The following MINDY4 variants were observed in gnomAD, a reference collection of about 807,000 sequenced individuals.
MINDY4 encodes the protein MINDY lysine 48 deubiquitinase 4.
Under a neutral mutation model 87.0 loss-of-function variants are expected in MINDY4, and 68 were observed. The observed-to-expected ratio is 0.78, with a 90% CI of 0.64 to 0.96. The LOEUF is 0.96. Among genes scored for constraint, MINDY4 ranks in the 40% least tolerant of loss-of-function variants. The probability of loss-of-function intolerance (pLI) is 0.00; values close to 1 mark genes in which losing one functional copy is unlikely to be tolerated. For synonymous variants in MINDY4, 379 were observed against 363.2 expected (o/e 1.04, Z -0.50); for missense variants, 919 against 928.2 (o/e 0.99, Z 0.13).
In MINDY4 at chr7:30,822,864, C is replaced by T. The variant is rs74602057; in HGVS notation, c.1074-5815C>T. 7.8e-3 allele frequency among the ~76,000 whole-genome samples: 1,184 copies of T among 151,676 alleles called. 14 individuals carry two copies. The highest frequency in any genetic ancestry group is 0.027 in the African/African-American group (1,131 of 41,314). ...TCACTATGTTGCCCAGACTGTTCTC[C>T]GACTTCTGGGCTCAAGCAGTCGGCC... is the stretch of plus-strand genomic sequence containing the variant. On this transcript the variant is annotated intron_variant, in intron 5 of 17. Transcript: ENST00000265299.
At chr7:30,876,827 C>T (rs7802226) in intron 15 of MINDY4, among the ~76,000 whole-genome samples, 1 of 152,124 alleles carries the variant, frequency 6.6e-6, no homozygotes, top group Non-Finnish European at 1.5e-5. Context: ...ATCCTCAGAA[C>T]CAGGACGCAG....
Position 30,888,149 on chromosome 7 carries a change from C to A in MINDY4, c.2226-3808C>A, listed in dbSNP as rs902632052. 3.3e-5 allele frequency among the ~76,000 whole-genome samples: 5 copies of A among 152,126 alleles called. No homozygotes were observed. The East Asian group carries it at 7.7e-4, about 23-fold the overall frequency. On this transcript the variant is annotated intron_variant, in intron 17 of 17. Transcript: ENST00000265299. ...AAAAGCAGTTAAGGCAGGTAACCACCCCTCTGTTGCAGTGATGCCTCTGGG... is the reference window on the plus strand; with the variant it reads ...AAAAGCAGTTAAGGCAGGTAACCACACCTCTGTTGCAGTGATGCCTCTGGG...
At chr7:30,870,860 G>A (rs778655306) in intron 13 of MINDY4, among the ~76,000 whole-genome samples, 4 of 152,224 alleles carry the variant, frequency 2.6e-5, no homozygotes, top group Non-Finnish European at 4.4e-5. Context: ...TTGGGGTGTG[G>A]TTGAAGGAAG....
In MINDY4 at chr7:30,778,506, T is replaced by C; in HGVS notation, c.138T>C (p.Asp46=). 6.2e-7 allele frequency: 1 copy of C among 1,614,214 alleles called. No homozygotes were observed. The highest frequency in any genetic ancestry group is 1.3e-5 in the African/African-American group (1 of 75,060). The change falls in exon 2 of 18, where the codon GAT becomes GAC. Residue 46 remains aspartate (D), a synonymous_variant. Transcript: ENST00000265299. ...ACCTCAGCATAAACAACAGAAATGA[T>C]CTTCGAAAGGTTTTGCATCTTGAAT... The part of the protein sequence containing the change: ...RSDLSINNRN[D]LRKVLHLEFL...
At chr7:30,857,124 T>A (rs7799035) in intron 12 of MINDY4, among the ~76,000 whole-genome samples, 95,002 of 152,128 alleles carry the variant, frequency 0.62, 31,940 homozygotes, top group African/African-American at 0.88. Flanking sequence ...CTTTGAAAAG[T>A]AAATGATGTC....
intron 5 of MINDY4, among the ~76,000 whole-genome samples, chr7:30,822,589 C>T (rs140401719): frequency 4.4e-4 from 66 of 149,326 alleles, no homozygotes; most frequent in African/African-American, 1.6e-3. Context: ...AGGATCCATT[C>T]GAGGTTTGCC....
intron 1 of MINDY4, 123 bp from the exon 2 acceptor site, chr7:30,778,309 G>A: frequency 8.1e-7 from 1 of 1,242,174 alleles, no homozygotes. Context: ...CAAAGGTGAT[G>A]TCAAGTGTAA....
rs187382054 is a variant in MINDY4 at position 30,805,183 on chromosome 7, C to G, written c.1073+13609C>G. Among the ~76,000 whole-genome samples the G allele has an allele frequency of 4.7e-3, 712 of 152,206 alleles. 5 individuals carry two copies. Among genetic ancestry groups the G allele is most frequent in the African/African-American group, 0.016 (672 of 41,502 alleles). On this transcript the variant is annotated intron_variant, in intron 5 of 17. Coordinates refer to ENST00000265299, the MANE Select transcript of MINDY4 (RefSeq NM_032222.3). ...TGCCGGGAAGGCAAGTGGGCTCTGG[C>G]CTGGATGTGCCAGAGGGGTAAGGAG...
chr7:30,855,766 T>C (rs1789550624), intron 12 of MINDY4, among the ~76,000 whole-genome samples: 1 of 152,242 alleles, frequency 6.6e-6, no homozygotes, highest in Admixed American at 6.5e-5. Flanking sequence ...GGGCCTCCTT[T>C]CAGTGATGCC....
At position 30,842,474 on chromosome 7, in the gene MINDY4, C is replaced by T. The variant is rs117158008; in HGVS notation, c.1445+1626C>T. ...AACCGCTGGCTGCCCTCAGAGGGTA[C>T]AGGGATACTGAGCACATATGCACCT... On this transcript the variant is annotated intron_variant, in intron 9 of 17. Coordinates refer to ENST00000265299, the MANE Select transcript of MINDY4 (RefSeq NM_032222.3). Among the ~76,000 whole-genome samples, 163 of 152,282 alleles carry T rather than the reference C, an allele frequency of 1.1e-3. 4 individuals carry two copies. In the East Asian group the frequency reaches 0.025, roughly 24 times the overall value.
At chr7:30,820,196 C>T (rs760847341) in intron 5 of MINDY4, among the ~76,000 whole-genome samples, 19 of 152,022 alleles carry the variant, frequency 1.2e-4, no homozygotes, top group Non-Finnish European at 2.1e-4. Flanking sequence ...CCACCGCGCC[C>T]GGCCAATAAT....
chr7:30,840,696 G>A, intron 8 of MINDY4, 64 bp from the exon 9 acceptor site: 1 of 1,522,216 alleles, frequency 6.6e-7, no homozygotes, highest in Non-Finnish European at 9.0e-7. Flanking sequence ...GGTGGGTTTG[G>A]GTGAAACCAA....
chr7:30,870,265 A>C (rs550477173), intron 13 of MINDY4, among the ~76,000 whole-genome samples: 5 of 152,306 alleles, frequency 3.3e-5, no homozygotes, highest in African/African-American at 1.2e-4. Context: ...TGCTTCTAAA[A>C]GCTCCAGGTG....
intron 13 of MINDY4, among the ~76,000 whole-genome samples, chr7:30,862,291 G>A (rs1789789167): frequency 6.6e-6 from 1 of 152,354 alleles, no homozygotes; most frequent in East Asian, 1.9e-4. Flanking sequence ...CCGGGCAGTC[G>A]TGGCACTGCC....
intron 3 of MINDY4, 28 bp downstream of exon 3, chr7:30,782,240 A>G (rs1787026903): frequency 6.4e-7 from 1 of 1,558,598 alleles, no homozygotes; most frequent in African/African-American, 1.4e-5. Context: ...TATGTTTATT[A>G]GTTTCCTATT....
chr7:30,852,605 G>C (rs1395751814), intron 11 of MINDY4, among the ~76,000 whole-genome samples: 1 of 150,950 alleles, frequency 6.6e-6, no homozygotes, highest in Admixed American at 6.6e-5. Context: ...ATCTGCTCCA[G>C]GATTGTTGTG....
intron 2 of MINDY4, 103 bp from the exon 3 acceptor site, chr7:30,781,874 G>A: frequency 1.3e-6 from 1 of 747,748 alleles, no homozygotes; most frequent in Non-Finnish European, 2.2e-6. Flanking sequence ...ATGAATGAGT[G>A]AGAAGTTGAT....
intron 13 of MINDY4, among the ~76,000 whole-genome samples, chr7:30,870,011 A>C (rs17159567): frequency 0.024 from 3,673 of 152,148 alleles, 167 homozygotes; most frequent in African/African-American, 0.084. Flanking sequence ...CAAAGTTATA[A>C]ATCTCTTAAA....
chr7:30,846,084 C>G (rs1298374463), intron 9 of MINDY4, among the ~76,000 whole-genome samples: 1 of 152,192 alleles, frequency 6.6e-6, no homozygotes, highest in Non-Finnish European at 1.5e-5. Flanking sequence ...ACTTCCACTT[C>G]CCCTCTGAAG....
Sources: gnomAD v4.1 joint callset for allele counts (sites outside exome capture counted in the v4.1 genomes callset) on GRCh38, gnomAD v4.1.1 for gene constraint, MANE v1.5 for transcripts, NCBI Gene and HGNC (gene_info 2026-07-23, HGNC 2026-07-21) for gene names.